The following SMC6 variants were observed in gnomAD, a reference collection of about 807,000 sequenced individuals.
SMC6 encodes the protein structural maintenance of chromosomes protein 6.
SMC6 carries 79 observed loss-of-function variants against 142.2 expected under a neutral mutation model. The ratio of observed to expected loss-of-function variants is 0.56; its 90% CI spans 0.46 to 0.67. The LOEUF is 0.67. Ranked by LOEUF, SMC6 falls within the 30% of genes least tolerant of loss-of-function variation. The pLI is 0.00. For missense variants in SMC6, 1,072 were observed against 1,284.0 expected (o/e 0.83, Z 2.52); for synonymous variants, 411 against 412.4 (o/e 1.00, Z 0.04).
At chr2:17,675,096 T>C (rs1182845903) in intron 25 of SMC6, among the ~76,000 whole-genome samples, 1 of 152,084 alleles carries the variant, frequency 6.6e-6, no homozygotes. Context: ...TTTGCCTTCA[T>C]ATAATTGAGT....
chr2:17,731,295 C>T (rs2125045637), intron 6 of SMC6, among the ~76,000 whole-genome samples, 156 bp from the exon 7 acceptor site: 1 of 152,300 alleles, frequency 6.6e-6, no homozygotes, highest in East Asian at 1.9e-4. Context: ...GAACATGGCA[C>T]AAGTACAGAG....
chr2:17,736,188 T>C (rs1252873786), intron 5 of SMC6, among the ~76,000 whole-genome samples: 2 of 152,212 alleles, frequency 1.3e-5, no homozygotes, highest in East Asian at 3.8e-4. Flanking sequence ...CTGCTTTTCG[T>C]TAGTTTTTTA....
chr2:17,694,971 T>A (rs1247767336), intron 23 of SMC6, among the ~76,000 whole-genome samples, 181 bp downstream of exon 23: 3 of 152,234 alleles, frequency 2.0e-5, no homozygotes, highest in Admixed American at 2.0e-4. Flanking sequence ...TTTGTAATAG[T>A]TCAGAAGAAA....
At chr2:17,684,949 CAA>C (rs1667383120) in intron 23 of SMC6, among the ~76,000 whole-genome samples, 1 of 151,670 alleles carries the variant, frequency 6.6e-6, no homozygotes, top group Non-Finnish European at 1.5e-5. Flanking sequence ...AATAATCAAA[CAA>C]GAGGAGTAGG....
intron 18 of SMC6, among the ~76,000 whole-genome samples, chr2:17,703,891 T>C (rs1450149707): frequency 6.6e-6 from 1 of 152,020 alleles, no homozygotes; most frequent in Non-Finnish European, 1.5e-5. Context: ...TATATATTAA[T>C]CGGCTATTTA....
chr2:17,672,177 G>A (rs1030093192), intron 25 of SMC6, among the ~76,000 whole-genome samples: 20 of 152,182 alleles, frequency 1.3e-4, no homozygotes, highest in African/African-American at 4.8e-4. Context: ...ACTGTATTTT[G>A]CACCAATTTA....
At position 17,738,264 on chromosome 2, in the gene SMC6, T is replaced by G. The variant is rs755950894; in HGVS notation, c.301A>C (p.Asn101His). The G allele has an allele frequency of 6.2e-7, 1 of 1,613,706 alleles. No homozygotes were observed. Among genetic ancestry groups the G allele is most frequent in the Non-Finnish European group, 8.5e-7 (1 of 1,179,926 alleles). The change falls in exon 5 of 28, where the codon AAT becomes CAT. Residue 101 changes from asparagine to histidine, a missense_variant. By Grantham distance (68) the Asn-to-His change is moderately conservative (BLOSUM62 1). This residue lies in a region of SMC6 where 994 missense variants were observed against 1,153.2 expected (regional missense o/e 0.86). Coordinates refer to ENST00000448223, the MANE Select transcript of SMC6 (RefSeq NM_001142286.2). The part of the protein sequence containing the change: ...VGLGGRAVAT[N>H]RGSSLKGFVK... The stretch of plus-strand genomic sequence containing the variant: ...AAACCTTTTAAAGAGGATCCTCTAT[T>G]AGTAGCAACTGCTCTTCCACCAAGA...
chr2:17,719,451 C>A (rs981797080), intron 11 of SMC6, among the ~76,000 whole-genome samples: 12 of 152,036 alleles, frequency 7.9e-5, no homozygotes, highest in African/African-American at 2.9e-4. Context: ...AGAAATTTGC[C>A]AATTACAACA....
Position 17,716,178 on chromosome 2 carries a change from T to C in SMC6, c.1433A>G (p.Lys478Arg). The change falls in exon 15 of 28, where the codon AAA (lysine) becomes AGA (arginine). Residue 478 changes from lysine (K) to arginine (R), a missense_variant. Lys to Arg is a conservative substitution (Grantham distance 26). Coordinates refer to ENST00000448223, the MANE Select transcript of SMC6 (RefSeq NM_001142286.2). The part of the protein sequence containing the change: ...ELKDSKTDRL[K>R]RFGPNVPALL... ...AGCTGGAACATTAGGGCCAAATCTTTTGAGTCGATCAGTTTTACTATCTTT... is the reference window on the plus strand; with the variant it reads ...AGCTGGAACATTAGGGCCAAATCTTCTGAGTCGATCAGTTTTACTATCTTT... 6.2e-7 allele frequency: 1 copy of C among 1,612,990 alleles called. No homozygotes were observed. The highest frequency in any genetic ancestry group is 8.5e-7 in the Non-Finnish European group (1 of 1,179,668).
At chr2:17,751,081 A>C (rs1671005954) in intron 2 of SMC6, among the ~76,000 whole-genome samples, 1 of 151,586 alleles carries the variant, frequency 6.6e-6, no homozygotes, top group Non-Finnish European at 1.5e-5. Context: ...TGTGCTTTAT[A>C]AAACTTCATT....
chr2:17,666,643 A>C, intron 26 of SMC6, 126 bp from the exon 27 acceptor site: 4 of 674,834 alleles, frequency 5.9e-6, no homozygotes, highest in Non-Finnish European at 1.0e-5. Flanking sequence ...ATTATCTATG[A>C]TGTCCAAGAA....
intron 25 of SMC6, 84 bp downstream of exon 25, chr2:17,678,775 C>G: frequency 9.9e-7 from 1 of 1,007,334 alleles, no homozygotes; most frequent in Non-Finnish European, 1.5e-6. Context: ...GACTCTGCCT[C>G]TAAAAAAAAC....
chr2:17,742,029 T>C (rs1264556842), intron 3 of SMC6, among the ~76,000 whole-genome samples: 1 of 152,284 alleles, frequency 6.6e-6, no homozygotes, highest in East Asian at 1.9e-4. Flanking sequence ...CATTGCAGAA[T>C]GTTTAGTGGC....
intron 19 of SMC6, among the ~76,000 whole-genome samples, chr2:17,702,793 CGCCACGTAA>C (rs1024384506): frequency 4.3e-4 from 65 of 152,194 alleles, no homozygotes; most frequent in Admixed American, 2.6e-3. Flanking sequence ...TCATGGCTGC[CGCCACGTAA>C]GATGTGCCTT....
intron 5 of SMC6, 71 bp downstream of exon 5, chr2:17,738,150 G>C (rs1572353584): frequency 2.6e-6 from 3 of 1,134,002 alleles, no homozygotes; most frequent in Non-Finnish European, 3.9e-6. Context: ...ATGTCTATGT[G>C]AACTGGGAAT....
chr2:17,677,003 T>G (rs1413477048), intron 25 of SMC6, among the ~76,000 whole-genome samples: 3 of 152,128 alleles, frequency 2.0e-5, no homozygotes, highest in Admixed American at 6.5e-5. Flanking sequence ...CAGAAGAATT[T>G]TACTTCTTCT....
chr2:17,690,783 A>G lies in SMC6; in HGVS notation c.2678+4369T>C, dbSNP rs183527293. On this transcript the variant is annotated intron_variant, in intron 23 of 27. Transcript: ENST00000448223. ...TTCACTCAATGTAAGAGAAACGTAC[A>G]TTAAAATTACGGTTAATTCTTTTTC... Among the ~76,000 whole-genome samples the G allele has an allele frequency of 1.2e-3, 177 of 152,276 alleles. 2 individuals are homozygous for G. Among genetic ancestry groups the G allele is most frequent in the African/African-American group, 3.0e-3 (125 of 41,574 alleles).
chr2:17,691,182 T>C (rs1250009890), intron 23 of SMC6, among the ~76,000 whole-genome samples: 1 of 149,708 alleles, frequency 6.7e-6, no homozygotes, highest in Non-Finnish European at 1.5e-5. Context: ...ATAGCCAAGA[T>C]ATGTAATCAA....
intron 19 of SMC6, 53 bp downstream of exon 19, chr2:17,703,104 G>T: frequency 9.0e-7 from 1 of 1,111,148 alleles, no homozygotes; most frequent in Non-Finnish European, 1.2e-6. Context: ...AATCAACTTC[G>T]TAGTAGTAAG....
Sources: gnomAD v4.1 joint callset for allele counts (sites outside exome capture counted in the v4.1 genomes callset) on GRCh38, gnomAD v4.1.1 for gene constraint, gnomAD v4.1.1 regional missense constraint, MANE v1.5 for transcripts, NCBI Gene and HGNC (gene_info 2026-07-23, HGNC 2026-07-21) for gene names.